MAML2: variants seen among roughly 807,000 people sequenced by gnomAD.
MAML2 encodes the protein mastermind-like protein 2.
Under a neutral mutation model 96.1 loss-of-function variants are expected in MAML2, and 22 were observed. That is an observed-to-expected ratio of 0.23 (90% CI 0.16 to 0.33). The LOEUF (loss-of-function observed/expected upper bound fraction) is 0.33. Ranked by LOEUF, MAML2 falls within the 10% of genes least tolerant of loss-of-function variation. The pLI is 1.00. For missense variants in MAML2, 1,367 were observed against 1,392.4 expected (o/e 0.98, Z 0.29); for synonymous variants, 561 against 521.3 (o/e 1.08, Z -1.04).
chr11:96,152,333 A>T (rs1328121595), intron 1 of MAML2, among the ~76,000 whole-genome samples: 1 of 152,266 alleles, frequency 6.6e-6, no homozygotes, highest in Admixed American at 6.5e-5. Context: ...CTGGATTTAA[A>T]TGACAAATCG....
At chr11:96,311,476 C>T (rs1009886897) in intron 1 of MAML2, among the ~76,000 whole-genome samples, 3 of 152,116 alleles carry the variant, frequency 2.0e-5, no homozygotes, top group African/African-American at 7.2e-5. Context: ...CACATTCATC[C>T]CACGGGAGAA....
Position 96,206,071 on chromosome 11 carries a change from CTCTT to C in MAML2, c.514-112558_514-112555del, listed in dbSNP as rs1408927988. ...CTTTCTTAATTTCAGTTTTGATTGA[CTCTT>C]TTTTTTTTTTAATTATTGAGAAGGT... On this transcript the variant is annotated intron_variant, in intron 1 of 4. Transcript: ENST00000524717. Among the ~76,000 whole-genome samples, 8 of 149,628 alleles carry C rather than the reference CTCTT, an allele frequency of 5.3e-5. No individual in the cohort carries two copies. The East Asian group carries it at 1.6e-3, about 29-fold the overall frequency.
intron 1 of MAML2, among the ~76,000 whole-genome samples, chr11:96,097,550 A>C (rs76032516): frequency 0.055 from 8,353 of 152,274 alleles, 385 homozygotes; most frequent in South Asian, 0.25. Flanking sequence ...CTTTCACCCA[A>C]GGGCTGACCT....
At chr11:96,048,557 A>T (rs1370430484) in intron 2 of MAML2, among the ~76,000 whole-genome samples, 1 of 152,200 alleles carries the variant, frequency 6.6e-6, no homozygotes, top group African/African-American at 2.4e-5. Context: ...TTTCTAAGAA[A>T]ATGTCTTAAG....
intron 1 of MAML2, among the ~76,000 whole-genome samples, chr11:96,232,642 T>C (rs1862311393): frequency 6.6e-6 from 1 of 151,944 alleles, no homozygotes; most frequent in Non-Finnish European, 1.5e-5. Context: ...GCTAATTTTG[T>C]TTGTATTTTT....
chr11:96,017,189 C>T (rs570492981), intron 2 of MAML2, among the ~76,000 whole-genome samples: 1 of 152,244 alleles, frequency 6.6e-6, no homozygotes, highest in South Asian at 2.1e-4. Context: ...GAAAATGAGG[C>T]TTAGACAAGT....
At chr11:96,254,744 G>A (rs1219520136) in intron 1 of MAML2, among the ~76,000 whole-genome samples, 1 of 152,200 alleles carries the variant, frequency 6.6e-6, no homozygotes, top group African/African-American at 2.4e-5. Flanking sequence ...GCAAAGCAAT[G>A]TGCTGAAATT....
chr11:96,212,841 G>A (rs748494688), intron 1 of MAML2, among the ~76,000 whole-genome samples: 31 of 152,176 alleles, frequency 2.0e-4, no homozygotes, highest in Non-Finnish European at 3.5e-4. Flanking sequence ...CCTAAGAATT[G>A]AGGCAACATG....
Position 96,171,323 on chromosome 11 carries a change from C to T in MAML2, c.514-77806G>A, listed in dbSNP as rs78748643. Among the ~76,000 whole-genome samples, 128 of 152,258 alleles carry T rather than the reference C, an allele frequency of 8.4e-4. 2 individuals are homozygous for T. In the East Asian group the frequency reaches 0.011, roughly 13 times the overall value. ...TGTTATACCTCCCCAAGACCGGGCGCGTTCTTCTCTGTCTTATTCCCCTCG... is the reference window on the plus strand; with the variant it reads ...TGTTATACCTCCCCAAGACCGGGCGTGTTCTTCTCTGTCTTATTCCCCTCG... On this transcript the variant is annotated intron_variant, in intron 1 of 4. Transcript: ENST00000524717.
chr11:96,038,260 T>C lies in MAML2; in HGVS notation c.2140-46537A>G, dbSNP rs866736634. On this transcript the variant is annotated intron_variant, in intron 2 of 4. Coordinates refer to ENST00000524717, the MANE Select transcript of MAML2 (RefSeq NM_032427.4). Reference sequence around the variant, plus strand: ...TTTTTTGTTTGCTTGTTTGTTTTACTGTGGGTCTTAGCAACACCTGTATTA... The same window carrying C: ...TTTTTTGTTTGCTTGTTTGTTTTACCGTGGGTCTTAGCAACACCTGTATTA... Among the ~76,000 whole-genome samples, 40 of 152,344 alleles carry C rather than the reference T, an allele frequency of 2.6e-4. 1 individual carries two copies. Among genetic ancestry groups the C allele is most frequent in the Middle Eastern group, 3.4e-3 (1 of 294 alleles).
chr11:96,009,642 C>T (rs140969789), intron 2 of MAML2, among the ~76,000 whole-genome samples: 4 of 152,212 alleles, frequency 2.6e-5, no homozygotes, highest in Middle Eastern at 3.4e-3. Context: ...AAGAAAACAA[C>T]GTAAGCATTG....
intron 1 of MAML2, among the ~76,000 whole-genome samples, chr11:96,281,340 C>A (rs1863061058): frequency 6.6e-6 from 1 of 151,966 alleles, no homozygotes; most frequent in Non-Finnish European, 1.5e-5. Flanking sequence ...AACATTTGTC[C>A]AAGAGAGTGC....
intron 2 of MAML2, among the ~76,000 whole-genome samples, chr11:96,034,432 T>TGTGTGAGA (rs549312275): frequency 5.2e-5 from 7 of 135,656 alleles, no homozygotes; most frequent in South Asian, 4.7e-4. Flanking sequence ...TGTGTGTGTG[T>TGTGTGAGA]GAGAGAGAGA....
At chr11:96,274,161 C>G (rs1417827123) in intron 1 of MAML2, among the ~76,000 whole-genome samples, 1 of 146,510 alleles carries the variant, frequency 6.8e-6, no homozygotes, top group African/African-American at 2.5e-5. Context: ...TGGCTCACTG[C>G]AAGCTCCGCC....
intron 1 of MAML2, among the ~76,000 whole-genome samples, chr11:96,284,007 T>C (rs1040519888): frequency 6.6e-6 from 1 of 152,222 alleles, no homozygotes; most frequent in South Asian, 2.1e-4. Context: ...GATAATCAAC[T>C]ATATCCTTCT....
intron 1 of MAML2, among the ~76,000 whole-genome samples, chr11:96,340,448 G>A (rs897488365): frequency 6.6e-6 from 1 of 152,226 alleles, no homozygotes; most frequent in African/African-American, 2.4e-5. Context: ...GGGGAAGCCT[G>A]CAAACAGCAG....
At chr11:96,147,730 G>T (rs557925040) in intron 1 of MAML2, among the ~76,000 whole-genome samples, 1 of 152,206 alleles carries the variant, frequency 6.6e-6, no homozygotes, top group Non-Finnish European at 1.5e-5. Flanking sequence ...CTGGTTATAA[G>T]GAAAGGAAAA....
chr11:96,141,370 C>T (rs932930082), intron 1 of MAML2, among the ~76,000 whole-genome samples: 5 of 152,018 alleles, frequency 3.3e-5, no homozygotes, highest in Non-Finnish European at 5.9e-5. Context: ...TGACATCTCC[C>T]CTGAAATACA....
intron 2 of MAML2, among the ~76,000 whole-genome samples, chr11:96,068,568 G>A (rs1431844641): frequency 3.3e-5 from 5 of 151,950 alleles, no homozygotes; most frequent in East Asian, 3.9e-4. Flanking sequence ...TTTTTTAAAA[G>A]TACGTATTTT....
Sources: gnomAD v4.1 joint callset for allele counts (sites outside exome capture counted in the v4.1 genomes callset) on GRCh38, gnomAD v4.1.1 for gene constraint, MANE v1.5 for transcripts, NCBI Gene and HGNC (gene_info 2026-07-23, HGNC 2026-07-21) for gene names.